UNC13C: variants seen among roughly 807,000 people sequenced by gnomAD.
The protein encoded by UNC13C is protein unc-13 homolog C.
In UNC13C, 174 loss-of-function variants were observed where a neutral mutation model predicts 245.4. The ratio of observed to expected loss-of-function variants is 0.71; its 90% CI spans 0.63 to 0.80. UNC13C has a LOEUF of 0.80. Among genes scored for constraint, UNC13C ranks in the 30% least tolerant of loss-of-function variants. The probability of loss-of-function intolerance (pLI) is 0.00; values close to 1 mark genes in which losing one functional copy is unlikely to be tolerated. For missense variants in UNC13C, 2,829 were observed against 2,602.9 expected (o/e 1.09, Z -1.89); for synonymous variants, 992 against 895.1 (o/e 1.11, Z -1.93).
At chr15:54,554,748 A>T (rs1302389847) in intron 28 of UNC13C, among the ~76,000 whole-genome samples, 1 of 151,938 alleles carries the variant, frequency 6.6e-6, no homozygotes, top group African/African-American at 2.4e-5. Context: ...TTTTTCCCTT[A>T]GTTTTTATTT....
At chr15:54,047,766 C>T (rs1897102463) in intron 2 of UNC13C, among the ~76,000 whole-genome samples, 1 of 151,976 alleles carries the variant, frequency 6.6e-6, no homozygotes, top group Admixed American at 6.6e-5. Flanking sequence ...TATTTTTGTT[C>T]TATAAATAAA....
chr15:54,304,203 A>T (rs1009291182), intron 13 of UNC13C, among the ~76,000 whole-genome samples: 1 of 152,104 alleles, frequency 6.6e-6, no homozygotes, highest in Admixed American at 6.6e-5. Context: ...ACTTTATTTT[A>T]AAAAACAGAA....
At chr15:53,977,552 A>G (rs1348579917), upstream of UNC13C, among the ~76,000 whole-genome samples, 1 of 152,222 alleles carries the variant, frequency 6.6e-6, no homozygotes, top group African/African-American at 2.4e-5. Context: ...TTTTCTAAAA[A>G]GCAAAGAAAA....
chr15:53,980,930 G>C (rs1428774712), intron 1 of UNC13C, among the ~76,000 whole-genome samples: 1 of 152,142 alleles, frequency 6.6e-6, no homozygotes, highest in Non-Finnish European at 1.5e-5. Context: ...AGTTGCTTAA[G>C]AGCCCATGGG....
chr15:53,921,887 T>C, the UNC13C span, among the ~76,000 whole-genome samples: 1 of 152,184 alleles, frequency 6.6e-6, no homozygotes, highest in African/African-American at 2.4e-5. Context: ...GGGTTTTTAA[T>C]GAAAAAAGCA....
chr15:54,074,174 G>A (rs1390560351), intron 2 of UNC13C, among the ~76,000 whole-genome samples: 1 of 152,158 alleles, frequency 6.6e-6, no homozygotes, highest in Non-Finnish European at 1.5e-5. Flanking sequence ...GTTTGCCAAA[G>A]ATCCGATGGT....
At chr15:54,384,577 A>G (rs943004315) in intron 17 of UNC13C, among the ~76,000 whole-genome samples, 9 of 152,124 alleles carry the variant, frequency 5.9e-5, no homozygotes, top group African/African-American at 2.2e-4. Context: ...TCTTCAGGAT[A>G]TTGGTCTTCC....
chr15:54,253,472 A>G (rs1452096302), intron 8 of UNC13C, among the ~76,000 whole-genome samples: 3 of 152,250 alleles, frequency 2.0e-5, no homozygotes, highest in African/African-American at 7.2e-5. Context: ...AACAGGGAGA[A>G]CAATGAGAAA....
At chr15:53,886,920 G>A in the UNC13C span, among the ~76,000 whole-genome samples, 2 of 152,054 alleles carry the variant, frequency 1.3e-5, no homozygotes, top group Non-Finnish European at 2.9e-5. Flanking sequence ...ATATATGTGA[G>A]GAGTACTCCT....
rs571916274 is a variant in UNC13C, at chr15:54,291,112, G to T, written c.3819-2783G>T. Among the ~76,000 whole-genome samples the T allele has an allele frequency of 1.7e-4, 26 of 152,092 alleles. 1 individual carries two copies. The South Asian group carries it at 5.2e-3, about 30-fold the overall frequency. On this transcript the variant is annotated intron_variant, in intron 10 of 32. Transcript: ENST00000260323. ...TTTTTGATAGCAAAGAACTTAGAAT[G>T]TTAGCCACTTTTAATATAAATTTTG...
chr15:54,342,136 G>C (rs1438360477), intron 17 of UNC13C, among the ~76,000 whole-genome samples: 1 of 151,998 alleles, frequency 6.6e-6, no homozygotes, highest in African/African-American at 2.4e-5. Context: ...TGAATTGCCT[G>C]TCAATCTTTT....
At chr15:53,841,761 A>G in the UNC13C span, among the ~76,000 whole-genome samples, 1 of 152,138 alleles carries the variant, frequency 6.6e-6, no homozygotes, top group African/African-American at 2.4e-5. Context: ...TCTCATGTGG[A>G]TTTGCACTAC....
chr15:54,168,176 T>C (rs1177147684), intron 4 of UNC13C, among the ~76,000 whole-genome samples: 1 of 152,172 alleles, frequency 6.6e-6, no homozygotes, highest in Non-Finnish European at 1.5e-5. Context: ...CAATAAAACA[T>C]TAGAAAATTA....
At chr15:54,275,130 G>A (rs2036798718) in intron 10 of UNC13C, among the ~76,000 whole-genome samples, 1 of 152,068 alleles carries the variant, frequency 6.6e-6, no homozygotes, top group South Asian at 2.1e-4. Flanking sequence ...CGAATAAAAG[G>A]CAGAGATTGT....
intron 24 of UNC13C, among the ~76,000 whole-genome samples, chr15:54,515,521 A>G (rs912476296): frequency 6.6e-6 from 1 of 152,216 alleles, no homozygotes; most frequent in Non-Finnish European, 1.5e-5. Flanking sequence ...TTGTAATCTA[A>G]TATATACAGG....
intron 2 of UNC13C, among the ~76,000 whole-genome samples, chr15:54,114,984 T>C (rs1043814431): frequency 4.6e-5 from 7 of 152,164 alleles, no homozygotes; most frequent in Non-Finnish European, 7.4e-5. Context: ...TGAATTGGAA[T>C]TTAAAATGCA....
chr15:54,097,505 C>T lies in UNC13C; in HGVS notation c.2984-45513C>T, dbSNP rs529774215. 1.4e-3 allele frequency among the ~76,000 whole-genome samples: 210 copies of T among 152,270 alleles called. 1 individual carries two copies. The highest frequency in any genetic ancestry group is 4.9e-3 in the African/African-American group (205 of 41,564). On this transcript the variant is annotated intron_variant, in intron 2 of 32. Transcript: ENST00000260323. ...TCTATGTAGCTTGATGAATATCAGG[C>T]ACTTTTTAATTTATTTCTCCTTTAA...
the UNC13C span, among the ~76,000 whole-genome samples, chr15:53,870,721 A>C: frequency 6.6e-6 from 1 of 152,126 alleles, no homozygotes; most frequent in African/African-American, 2.4e-5. Flanking sequence ...AAGCCCTCTA[A>C]AAAGAGGGTC....
intron 2 of UNC13C, among the ~76,000 whole-genome samples, chr15:54,036,227 G>A (rs1896572817): frequency 6.6e-6 from 1 of 152,186 alleles, no homozygotes; most frequent in Admixed American, 6.5e-5. Context: ...TGCCAAGGCT[G>A]AAGATGTCTC....
Sources: gnomAD v4.1 joint callset for allele counts (sites outside exome capture counted in the v4.1 genomes callset) on GRCh38, gnomAD v4.1.1 for gene constraint, MANE v1.5 for transcripts, NCBI Gene and HGNC (gene_info 2026-07-23, HGNC 2026-07-21) for gene names.